The following SACS variants were observed in gnomAD, a reference collection of about 807,000 sequenced individuals.
SACS encodes the protein sacsin.
A neutral mutation model predicts 348.0 loss-of-function variants in SACS; 197 were observed. That is an observed-to-expected ratio of 0.57 (90% CI 0.50 to 0.64). The LOEUF (loss-of-function observed/expected upper bound fraction) is 0.64. Ranked by LOEUF, SACS falls within the 30% of genes least tolerant of loss-of-function variation. The pLI is 0.00. For synonymous variants in SACS, 1,985 were observed against 1,910.6 expected, an observed-to-expected ratio of 1.04 and a Z score of -1.02; for missense variants, 4,999 against 5,360.8, an observed-to-expected ratio of 0.93 and a Z score of 2.11.
In SACS at chr13:23,401,507, G is replaced by A. The variant is rs147859593; in HGVS notation, c.20+9713C>T. Among the ~76,000 whole-genome samples, 172 of 152,198 alleles carry A rather than the reference G, an allele frequency of 1.1e-3. 1 individual carries two copies. Among genetic ancestry groups the A allele is most frequent in the African/African-American group, 3.6e-3 (148 of 41,536 alleles). On this transcript the variant is annotated intron_variant, in intron 2 of 9. Coordinates refer to ENST00000382292, the MANE Select transcript of SACS (RefSeq NM_014363.6). ...TTAATGTAGAAAACCAACCTCTGCC[G>A]TGACCACCTTGGGCACATGTCATCA...
Position 23,337,036 on chromosome 13 carries a change from C to A in SACS, c.6840G>T (p.Glu2280Asp), listed in dbSNP as rs748256556. The stretch of plus-strand genomic sequence containing the variant: ...TTGGCTTCTTGAGTAATCCCAAAAA[C>A]TCTTTAACAGCCAATGACACTGAAC... ...GCGSVSLAVKEFLGLLKKPTV... is the reference protein window; with the variant it reads ...GCGSVSLAVKDFLGLLKKPTV... Residue 2280 changes from glutamate to aspartate, a missense_variant, in exon 10 of 10, where the codon GAG becomes GAT. Physicochemically the swap from Glu to Asp is conservative, Grantham distance 45. Coordinates refer to ENST00000382292, the MANE Select transcript of SACS (RefSeq NM_014363.6). 6.2e-6 allele frequency: 10 copies of A among 1,613,938 alleles called. No individual in the cohort carries two copies. In the South Asian group the frequency reaches 9.9e-5, roughly 16 times the overall value.
At position 23,341,656 on chromosome 13, in the gene SACS, T is replaced by C. The variant is rs772849329; in HGVS notation, c.2220A>G (p.Pro740=). The C allele has an allele frequency of 6.2e-7, 1 of 1,613,406 alleles. No homozygotes were observed. Among genetic ancestry groups the C allele is most frequent in the Non-Finnish European group, 8.5e-7 (1 of 1,179,986 alleles). ...RPCTQLQLLN[P]ERFARLIKEV... The stretch of plus-strand genomic sequence containing the variant: ...CCTTGATAAGACGTGCAAATCGTTC[T>C]GGATTTAGAAGCTGCAGCTGAGTAC... Residue 740 remains proline, a synonymous_variant, in exon 10 of 10, where the codon CCA becomes CCG. Coordinates refer to ENST00000382292, the MANE Select transcript of SACS (RefSeq NM_014363.6).
At position 23,355,546 on chromosome 13, in the gene SACS, T is replaced by C. The variant is rs148286091; in HGVS notation, c.1066A>G (p.Ile356Val). The C allele has an allele frequency of 3.4e-5, 55 of 1,614,164 alleles. No individual in the cohort carries two copies. The East Asian group carries it at 8.9e-4, about 26-fold the overall frequency. ...GGAGTCTTTTTACAATAGTTACTTA[T>C]AGCAGTTCCCAGAATCTTTATAGAA... ...PNSIKILGTAISNYCKKTPSN... is the reference protein window; with the variant it reads ...PNSIKILGTAVSNYCKKTPSN... Residue 356 changes from isoleucine (I) to valine (V), a missense_variant, in exon 8 of 10, where the codon ATA (isoleucine) becomes GTA (valine). Coordinates refer to ENST00000382292, the MANE Select transcript of SACS (RefSeq NM_014363.6).
chr13:23,380,423 A>G (rs573729554), intron 2 of SACS, among the ~76,000 whole-genome samples: 1 of 152,214 alleles, frequency 6.6e-6, no homozygotes, highest in African/African-American at 2.4e-5. Flanking sequence ...CTGGGTTCCT[A>G]TTTTGGAAAA....
chr13:23,373,237 C>T (rs540429394), intron 3 of SACS, among the ~76,000 whole-genome samples: 11 of 152,304 alleles, frequency 7.2e-5, no homozygotes, highest in African/African-American at 2.4e-4. Context: ...ACAAACTGCT[C>T]CTTCACAAGT....
In SACS at chr13:23,337,038, C is replaced by CTTT; in HGVS notation, c.6835_6837dup (p.Lys2279dup). 6.2e-7 allele frequency: 1 copy of CTTT among 1,613,940 alleles called. No individual in the cohort carries two copies. On this transcript the variant is annotated inframe_insertion, in exon 10 of 10. Coordinates refer to ENST00000382292, the MANE Select transcript of SACS (RefSeq NM_014363.6). Reference sequence around the variant, plus strand: ...GGCTTCTTGAGTAATCCCAAAAACTCTTTAACAGCCAATGACACTGAACCA... The same window carrying CTTT: ...GGCTTCTTGAGTAATCCCAAAAACTCTTTTTTAACAGCCAATGACACTGAACCA...
intron 9 of SACS, among the ~76,000 whole-genome samples, chr13:23,344,508 T>TA (rs1378182704): frequency 6.6e-6 from 1 of 152,130 alleles, no homozygotes; most frequent in Non-Finnish European, 1.5e-5. Flanking sequence ...ATACGTAAAT[T>TA]AAGTCAGTTC....
In SACS at chr13:23,353,787, C is replaced by T. The variant is rs764645953; in HGVS notation, c.2183G>A (p.Arg728Gln). The T allele has an allele frequency of 1.9e-6, 3 of 1,562,144 alleles. No individual in the cohort carries two copies. Among genetic ancestry groups the T allele is most frequent in the Admixed American group, 3.3e-5 (2 of 59,830 alleles). Residue 728 changes from arginine to glutamine, a missense_variant and splice_region_variant, in exon 9 of 10, where the codon CGA (arginine) becomes CAA (glutamine). Arg to Gln is a conservative substitution (Grantham distance 43). Coordinates refer to ENST00000382292, the MANE Select transcript of SACS (RefSeq NM_014363.6). ...VAALKEAAQT[R>Q]GRPCTQLQLL... Reference sequence around the variant, plus strand: ...AAAAGAATACTAAACTATAATACCTCGGGTTTGGGCAGCTTCCTTTAAAGC... The same window carrying T: ...AAAAGAATACTAAACTATAATACCTTGGGTTTGGGCAGCTTCCTTTAAAGC...
At chr13:23,371,824 G>C (rs1225852893) in intron 3 of SACS, among the ~76,000 whole-genome samples, 2 of 152,150 alleles carry the variant, frequency 1.3e-5, no homozygotes, top group Admixed American at 1.3e-4. Context: ...GCACAAAGGG[G>C]TAAGGAAAGA....
At chr13:23,346,577 C>G (rs1290871264) in intron 9 of SACS, among the ~76,000 whole-genome samples, 1 of 152,170 alleles carries the variant, frequency 6.6e-6, no homozygotes, top group Admixed American at 6.5e-5. Context: ...ACTAAATGTT[C>G]TATGAAGTGA....
chr13:23,351,503 C>A (rs1869958368), intron 9 of SACS, among the ~76,000 whole-genome samples: 1 of 152,276 alleles, frequency 6.6e-6, no homozygotes, highest in East Asian at 1.9e-4. Flanking sequence ...GGAAAACCCC[C>A]TTCTCTTGGC....
intron 1 of SACS, among the ~76,000 whole-genome samples, chr13:23,421,226 G>A (rs7986615): frequency 0.021 from 3,270 of 152,182 alleles, 121 homozygotes; most frequent in African/African-American, 0.074. Context: ...TGTTCTCCAG[G>A]GGCCTGATGT....
chr13:23,337,118 A>G lies in SACS; in HGVS notation c.6758T>C (p.Ile2253Thr), dbSNP rs766157836. 6.7e-5 allele frequency: 108 copies of G among 1,613,874 alleles called. No individual in the cohort carries two copies. Among genetic ancestry groups the G allele is most frequent in the Non-Finnish European group, 8.6e-5 (101 of 1,179,920 alleles). ...TAGAATTGGTTGCAAAAGACAAACTATATCTTGATGTTCAGCTGTATAAAG... is the reference window on the plus strand; with the variant it reads ...TAGAATTGGTTGCAAAAGACAAACTGTATCTTGATGTTCAGCTGTATAAAG... ...TDLYTAEHQD[I>T]VCLLQPILNE... Residue 2253 changes from isoleucine to threonine, a missense_variant, in exon 10 of 10, where the codon ATA becomes ACA. Transcript: ENST00000382292.
At position 23,339,722 on chromosome 13, in the gene SACS, T is replaced by C. The variant is rs1228403079; in HGVS notation, c.4154A>G (p.Lys1385Arg). 8.7e-6 allele frequency: 14 copies of C among 1,614,054 alleles called. No individual in the cohort carries two copies. The Admixed American group carries it at 1.7e-4, about 19-fold the overall frequency. Residue 1385 changes from lysine (K) to arginine (R), a missense_variant, in exon 10 of 10, where the codon AAA becomes AGA. By Grantham distance (26) the Lys-to-Arg change is conservative. Around this residue, in one of 6 missense-constraint regions of SACS, gnomAD observed 3,156 missense variants for 3,380.1 expected, o/e 0.93. Transcript: ENST00000382292. ...CTTCATGATAAGTTTAGAAGGATTT[T>C]TGCTATGATGTATAGGAACTGGTGT... ...PNTPVPIHHS[K>R]NPSKLIMKPI... is the part of the protein sequence containing the mutation.
intron 1 of SACS, among the ~76,000 whole-genome samples, chr13:23,426,784 G>T (rs185226596): frequency 1.3e-5 from 2 of 152,150 alleles, no homozygotes; most frequent in Non-Finnish European, 2.9e-5. Flanking sequence ...CCTTTCCAAC[G>T]GAGGCAAATC....
At chr13:23,425,874 A>G (rs1874151956) in intron 1 of SACS, among the ~76,000 whole-genome samples, 1 of 152,212 alleles carries the variant, frequency 6.6e-6, no homozygotes, top group Admixed American at 6.5e-5. Flanking sequence ...ATATTAGTAT[A>G]TACAAAATTT....
chr13:23,375,967 CAG>C (rs901668851), intron 2 of SACS, among the ~76,000 whole-genome samples: 9 of 152,078 alleles, frequency 5.9e-5, no homozygotes, highest in African/African-American at 2.2e-4. Flanking sequence ...GAAGCATCTC[CAG>C]TAAGATCTAT....
At chr13:23,366,399 T>A (rs1221596595) in intron 5 of SACS, among the ~76,000 whole-genome samples, 1 of 151,800 alleles carries the variant, frequency 6.6e-6, no homozygotes, top group Non-Finnish European at 1.5e-5. Context: ...TCCTGCAGCC[T>A]CATTATCAGC....
intron 2 of SACS, among the ~76,000 whole-genome samples, chr13:23,400,803 A>G (rs116417199): frequency 0.012 from 1,804 of 152,270 alleles, 24 homozygotes; most frequent in African/African-American, 0.041. Flanking sequence ...ACCTCTTGAT[A>G]TTTTTGACAA....
Sources: allele counts gnomAD v4.1 joint callset (sites outside exome capture counted in the v4.1 genomes callset), GRCh38; gene constraint gnomAD v4.1.1; regional missense constraint gnomAD v4.1.1; transcripts MANE v1.5; gene names NCBI Gene and HGNC (gene_info 2026-07-23, HGNC 2026-07-21).